The following GRIA2 variants were observed in gnomAD, a reference collection of about 807,000 sequenced individuals.
GRIA2 encodes the protein glutamate receptor 2.
GRIA2 carries 14 observed loss-of-function variants against 97.3 expected under a neutral mutation model. That is an observed-to-expected ratio of 0.14 (90% CI 0.10 to 0.23). The LOEUF (loss-of-function observed/expected upper bound fraction) is 0.23. GRIA2 is among the 10% of genes least tolerant of loss of function. GRIA2 has a pLI of 1.00. For synonymous variants in GRIA2, 412 were observed against 387.8 expected, an observed-to-expected ratio of 1.06 and a Z score of -0.73; for missense variants, 558 against 1,069.8, an observed-to-expected ratio of 0.52 and a Z score of 6.67.
chr4:157,255,919 T>C (rs1426032011), intron 2 of GRIA2, among the ~76,000 whole-genome samples: 1 of 151,588 alleles, frequency 6.6e-6, no homozygotes, highest in East Asian at 1.9e-4. Context: ...TTAACATTGC[T>C]AAGCATCAGA....
chr4:157,260,179 T>C (rs973582177), intron 2 of GRIA2, among the ~76,000 whole-genome samples: 1 of 152,160 alleles, frequency 6.6e-6, no homozygotes, highest in Admixed American at 6.5e-5. Flanking sequence ...TATATAATAG[T>C]TTAGACTTGT....
intron 2 of GRIA2, among the ~76,000 whole-genome samples, chr4:157,260,154 A>G (rs1327788880): frequency 2.6e-5 from 4 of 152,118 alleles, no homozygotes; most frequent in African/African-American, 4.8e-5. Flanking sequence ...GTGACTTTCC[A>G]TTGCAGAGAA....
At chr4:157,255,495 G>T (rs1271179221) in intron 2 of GRIA2, among the ~76,000 whole-genome samples, 1 of 152,010 alleles carries the variant, frequency 6.6e-6, no homozygotes, top group African/African-American at 2.4e-5. Context: ...GTTTTCCATA[G>T]GGGTTTTACT....
chr4:157,285,248 A>G (rs971693188), intron 2 of GRIA2, among the ~76,000 whole-genome samples: 1 of 151,412 alleles, frequency 6.6e-6, no homozygotes, highest in Non-Finnish European at 1.5e-5. Context: ...TTAATTTTAT[A>G]TTGGGTTGTC....
intron 4 of GRIA2, among the ~76,000 whole-genome samples, chr4:157,314,774 A>T (rs1734237191): frequency 1.3e-5 from 2 of 152,302 alleles, no homozygotes; most frequent in Non-Finnish European, 2.9e-5. Flanking sequence ...AATGCAGAGT[A>T]TTTTGCACAT....
chr4:157,271,251 A>G (rs1732011588), intron 2 of GRIA2, among the ~76,000 whole-genome samples: 1 of 151,860 alleles, frequency 6.6e-6, no homozygotes, highest in Admixed American at 6.6e-5. Flanking sequence ...GTGTCCTCCA[A>G]TTTAATTCTG....
chr4:157,328,897 C>A (rs1335960465), intron 6 of GRIA2, among the ~76,000 whole-genome samples: 1 of 151,898 alleles, frequency 6.6e-6, no homozygotes, highest in Non-Finnish European at 1.5e-5. Flanking sequence ...AGGTTTCTTG[C>A]CAATGCAGCT....
intron 12 of GRIA2, among the ~76,000 whole-genome samples, chr4:157,357,672 G>A (rs931048428): frequency 2.6e-5 from 4 of 151,930 alleles, no homozygotes; most frequent in South Asian, 2.1e-4. Context: ...GTATGTCTAG[G>A]TGACCTAACA....
intron 2 of GRIA2, among the ~76,000 whole-genome samples, chr4:157,290,008 T>C (rs1431601153): frequency 6.6e-6 from 1 of 151,848 alleles, no homozygotes; most frequent in African/African-American, 2.4e-5. Flanking sequence ...TACCTGTCTG[T>C]ATATTGGTTA....
intron 2 of GRIA2, among the ~76,000 whole-genome samples, chr4:157,243,366 A>G (rs921244783): frequency 3.9e-5 from 6 of 152,114 alleles, no homozygotes; most frequent in African/African-American, 1.4e-4. Flanking sequence ...TGAAATGTTT[A>G]TAATTACCTG....
At chr4:157,251,170 G>A (rs1361921989) in intron 2 of GRIA2, among the ~76,000 whole-genome samples, 1 of 152,026 alleles carries the variant, frequency 6.6e-6, no homozygotes, top group African/African-American at 2.4e-5. Context: ...AATAACTAGA[G>A]GAGAGACAGG....
At chr4:157,325,849 T>A (rs1734780524) in intron 6 of GRIA2, among the ~76,000 whole-genome samples, 1 of 152,230 alleles carries the variant, frequency 6.6e-6, no homozygotes, top group South Asian at 2.1e-4. Context: ...ATAGGATTAT[T>A]ACAACAGTTT....
chr4:157,356,419 G>A (rs920592319), intron 12 of GRIA2, among the ~76,000 whole-genome samples: 4 of 151,500 alleles, frequency 2.6e-5, no homozygotes, highest in Admixed American at 1.3e-4. Context: ...TATTACAGAT[G>A]ATGGGAAATT....
At chr4:157,354,378 G>A (rs981107663) in intron 12 of GRIA2, among the ~76,000 whole-genome samples, 2 of 152,072 alleles carry the variant, frequency 1.3e-5, no homozygotes, top group Admixed American at 1.3e-4. Flanking sequence ...TATATGAAAT[G>A]TTTCTTCAAC....
chr4:157,244,280 A>G (rs1730635059), intron 2 of GRIA2, among the ~76,000 whole-genome samples: 1 of 152,054 alleles, frequency 6.6e-6, no homozygotes, highest in Non-Finnish European at 1.5e-5. Context: ...AGAGATCAGC[A>G]GGAGGCAAAG....
chr4:157,287,787 G>T (rs1445351520), intron 2 of GRIA2, among the ~76,000 whole-genome samples: 6 of 151,308 alleles, frequency 4.0e-5, no homozygotes, highest in African/African-American at 1.5e-4. Context: ...AGTATCCAAA[G>T]TCTTTCTCTT....
rs765470631 is a variant in GRIA2, at chr4:157,312,922, T to A, written c.666+47T>A. ...AATGATGCCAGATATAGAATATGCATGCAATGTCAGCATTTGCAATGTGTA... is the reference window on the plus strand; with the variant it reads ...AATGATGCCAGATATAGAATATGCAAGCAATGTCAGCATTTGCAATGTGTA... On this transcript the variant is annotated intron_variant, in intron 4 of 15. Coordinates refer to ENST00000264426, the MANE Select transcript of GRIA2 (RefSeq NM_001083619.3). The A allele has an allele frequency of 2.7e-6, 3 of 1,123,052 alleles. No individual in the cohort carries two copies. In the East Asian group the frequency reaches 7.4e-5, roughly 28 times the overall value. 69.6% of individuals were successfully genotyped at this position (1,123,052 alleles called of 1,614,324 possible).
chr4:157,235,844 A>T lies in GRIA2; in HGVS notation c.229+14037A>T, dbSNP rs567588140. On this transcript the variant is annotated intron_variant, in intron 2 of 15. Transcript: ENST00000264426. ...CATAAATTATGGGGATTAACTAATT[A>T]ATTATAATAAATACTATTTTAGGTT... Among the ~76,000 whole-genome samples, 11 of 152,184 alleles carry T rather than the reference A, an allele frequency of 7.2e-5. No homozygotes were observed. The South Asian group carries it at 8.3e-4, about 11-fold the overall frequency.
chr4:157,280,481 A>T (rs568349531), intron 2 of GRIA2, among the ~76,000 whole-genome samples: 1 of 152,168 alleles, frequency 6.6e-6, no homozygotes, highest in African/African-American at 2.4e-5. Context: ...TTTTCCTAAA[A>T]CTTTATGGCT....
Sources: gnomAD v4.1 joint callset for allele counts (sites outside exome capture counted in the v4.1 genomes callset) on GRCh38, gnomAD v4.1.1 for gene constraint, MANE v1.5 for transcripts, NCBI Gene and HGNC (gene_info 2026-07-23, HGNC 2026-07-21) for gene names.